Variants in FGFR2 observed in about 807,000 individuals in gnomAD.
FGFR2 encodes BEK fibroblast growth factor receptor.
A neutral mutation model predicts 95.9 loss-of-function variants in FGFR2; 19 were observed. The ratio of observed to expected loss-of-function variants is 0.20; its 90% CI spans 0.14 to 0.29. FGFR2 has a LOEUF of 0.29. Among genes scored for constraint, FGFR2 ranks in the 10% least tolerant of loss-of-function variants. The probability of loss-of-function intolerance (pLI) is 1.00; values close to 1 mark genes in which losing one functional copy is unlikely to be tolerated. For synonymous variants in FGFR2, 392 were observed against 393.3 expected (o/e 1.00, Z 0.04); for missense variants, 707 against 1,056.9 (o/e 0.67, Z 4.59).
chr10:121,490,174 T>C (rs1197732275), intron 13 of FGFR2, among the ~76,000 whole-genome samples: 2 of 141,734 alleles, frequency 1.4e-5, no homozygotes, highest in African/African-American at 5.1e-5. Context: ...TTTTTTTTTT[T>C]TTTTTTGAGA....
At chr10:121,590,752 T>TA (rs1862511439) in intron 2 of FGFR2, among the ~76,000 whole-genome samples, 1 of 152,184 alleles carries the variant, frequency 6.6e-6, no homozygotes, top group Admixed American at 6.5e-5. Flanking sequence ...AAGGACCCTC[T>TA]AGTGTTAGGG....
rs41302273 is a variant in FGFR2, at chr10:121,575,415, G to T, written c.110-9711C>A. 3.2e-3 allele frequency among the ~76,000 whole-genome samples: 485 copies of T among 152,198 alleles called. 2 individuals are homozygous for T. The highest frequency in any genetic ancestry group is 0.011 in the African/African-American group (471 of 41,514). On this transcript the variant is annotated intron_variant, in intron 2 of 17. Coordinates refer to ENST00000358487, the MANE Select transcript of FGFR2 (RefSeq NM_000141.5). The stretch of plus-strand genomic sequence containing the variant: ...TCCAAAAAAAGATGCACAGAGGGAA[G>T]GTTTTCTCTCTGGTCCCAACACGTG...
intron 4 of FGFR2, among the ~76,000 whole-genome samples, chr10:121,559,970 C>T (rs150643311): frequency 2.0e-4 from 30 of 152,288 alleles, no homozygotes; most frequent in Non-Finnish European, 3.4e-4. Flanking sequence ...ACCAGGACAA[C>T]GCAGTTCCCC....
At chr10:121,540,765 T>C (rs180930335) in intron 5 of FGFR2, among the ~76,000 whole-genome samples, 194 of 152,318 alleles carry the variant, frequency 1.3e-3, no homozygotes, top group African/African-American at 4.4e-3. Context: ...ATTCAGTTCT[T>C]TGAGCCCCCG....
rs572461953 is a variant in FGFR2, at chr10:121,551,114, G to A, written c.624+176C>T. Among the ~76,000 whole-genome samples the A allele has an allele frequency of 2.0e-5, 3 of 152,160 alleles. No homozygotes were observed. The East Asian group carries it at 5.8e-4, about 29-fold the overall frequency. The stretch of plus-strand genomic sequence containing the variant: ...ACACACCTGTAGTCCCAGCTACTCG[G>A]GAGGCTGAGGCAGGAGAATCGCTTG... On this transcript the variant is annotated intron_variant, in intron 5 of 17. Coordinates refer to ENST00000358487, the MANE Select transcript of FGFR2 (RefSeq NM_000141.5).
rs748273737 is a variant in FGFR2 at position 121,582,929 on chromosome 10, G to C, written c.109+10780C>G. On this transcript the variant is annotated intron_variant, in intron 2 of 17. Transcript: ENST00000358487. ...AAGTTCAGCTGCCTAAACCAGCCTC[G>C]ATTCACCTACACATTAGCTGGTACT... is the stretch of plus-strand genomic sequence containing the variant. 3.9e-5 allele frequency among the ~76,000 whole-genome samples: 6 copies of C among 152,232 alleles called. No individual in the cohort carries two copies. In the East Asian group the frequency reaches 1.2e-3, roughly 29 times the overall value.
At chr10:121,539,233 T>C (rs1853323289) in intron 5 of FGFR2, among the ~76,000 whole-genome samples, 1 of 152,240 alleles carries the variant, frequency 6.6e-6, no homozygotes, top group African/African-American at 2.4e-5. Context: ...TTCTCAGATG[T>C]TGTCTGGATG....
rs145724942 is a variant in FGFR2, at chr10:121,522,620, T to C, written c.749-2451A>G. The stretch of plus-strand genomic sequence containing the variant: ...GCTTAGCATTCTTGCAACAATAAAA[T>C]GAAATAAAATAAAAAGAATTAAATA... On this transcript the variant is annotated intron_variant, in intron 6 of 17. Transcript: ENST00000358487. Among the ~76,000 whole-genome samples, 595 of 152,160 alleles carry C rather than the reference T, an allele frequency of 3.9e-3. 6 individuals carry two copies. The highest frequency in any genetic ancestry group is 0.013 in the African/African-American group (543 of 41,502).
intron 2 of FGFR2, among the ~76,000 whole-genome samples, chr10:121,575,620 C>T (rs1293192246): frequency 2.6e-5 from 4 of 151,964 alleles, no homozygotes; most frequent in African/African-American, 9.7e-5. Context: ...TTTGGCAGGC[C>T]GAGGCGGGTG....
In FGFR2 at chr10:121,485,575, G is replaced by A. The variant is rs745470487; in HGVS notation, c.2058-43C>T. Reference sequence around the variant, plus strand: ...AGCACGGCATTACTAACCCATCCACGTTGCCAAAACCTAAACACGCCCAGC... The same window carrying A: ...AGCACGGCATTACTAACCCATCCACATTGCCAAAACCTAAACACGCCCAGC... On this transcript the variant is annotated intron_variant, in intron 15 of 17. Coordinates refer to ENST00000358487, the MANE Select transcript of FGFR2 (RefSeq NM_000141.5). This position sits in a 1 kb window ranked among gnomAD's most constrained non-coding sequence, Gnocchi z 4.2. The A allele has an allele frequency of 9.3e-6, 15 of 1,613,592 alleles. No homozygotes were observed. Among genetic ancestry groups the A allele is most frequent in the South Asian group, 8.8e-5 (8 of 91,036 alleles).
intron 2 of FGFR2, among the ~76,000 whole-genome samples, chr10:121,588,561 A>C (rs1161040859): frequency 6.6e-6 from 1 of 152,138 alleles, no homozygotes; most frequent in African/African-American, 2.4e-5. Context: ...GCCATCTCTA[A>C]ATCTCATGGG....
rs2133789870 is a variant in FGFR2, at chr10:121,485,297, A to T, written c.2195+98T>A. ...CAGCCATTCTTCTTAGAGCATGTTT[A>T]GGAAACCAGGGGCCTTCAAAAACGA... On this transcript the variant is annotated intron_variant, in intron 16 of 17. Coordinates refer to ENST00000358487, the MANE Select transcript of FGFR2 (RefSeq NM_000141.5). The surrounding 1 kb of genome is among the most constrained non-coding windows in gnomAD (Gnocchi z 4.2). The T allele has an allele frequency of 6.5e-7, 1 of 1,537,438 alleles. No homozygotes were observed. The highest frequency in any genetic ancestry group is 9.0e-7 in the Non-Finnish European group (1 of 1,113,014).
chr10:121,595,111 G>C (rs976729784), intron 1 of FGFR2, among the ~76,000 whole-genome samples: 1 of 152,178 alleles, frequency 6.6e-6, no homozygotes, highest in African/African-American at 2.4e-5. Context: ...TTCAGATTCT[G>C]TGAACCACAG....
rs772633227 is a variant in FGFR2 at position 121,487,444 on chromosome 10, T to C, written c.1987-20A>G. 5.2e-5 allele frequency: 83 copies of C among 1,605,558 alleles called. No homozygotes were observed. In the South Asian group the frequency reaches 8.7e-4, roughly 17 times the overall value. On this transcript the variant is annotated intron_variant, in intron 14 of 17. Transcript: ENST00000358487. Reference sequence around the variant, plus strand: ...CCGCCCCTGCAAATGTAGAGGAAAATGCAAAAACTAAATATATTTAAAAGA... The same window carrying C: ...CCGCCCCTGCAAATGTAGAGGAAAACGCAAAAACTAAATATATTTAAAAGA...
chr10:121,539,918 G>T (rs1212398310), intron 5 of FGFR2, among the ~76,000 whole-genome samples: 1 of 152,216 alleles, frequency 6.6e-6, no homozygotes, highest in Non-Finnish European at 1.5e-5. Context: ...GCAAAGCAGC[G>T]CCAGTGATTA....
Position 121,518,889 on chromosome 10 carries a change from T to C in FGFR2, c.939+1090A>G, listed in dbSNP as rs1192838475. The C allele has an allele frequency of 6.2e-7, 1 of 1,601,428 alleles. No homozygotes were observed. The highest frequency in any genetic ancestry group is 1.7e-5 in the Admixed American group (1 of 59,976). ...ACCAGGAAGGTCTTAGCATTGTCTA[T>C]GGTCCCACCACCAACACACCGCAAG... On this transcript the variant is annotated intron_variant, in intron 7 of 17. Transcript: ENST00000358487. This position sits in a 1 kb window ranked among gnomAD's most constrained non-coding sequence, Gnocchi z 4.0.
At chr10:121,566,379 A>G (rs1276186358) in intron 2 of FGFR2, among the ~76,000 whole-genome samples, 1 of 152,186 alleles carries the variant, frequency 6.6e-6, no homozygotes, top group Non-Finnish European at 1.5e-5. Context: ...AAACAAAAAG[A>G]GCAAAATGCC....
chr10:121,573,044 C>G (rs1280219536), intron 2 of FGFR2, among the ~76,000 whole-genome samples: 1 of 152,228 alleles, frequency 6.6e-6, no homozygotes, highest in African/African-American at 2.4e-5. Flanking sequence ...ACAGTTGAAA[C>G]AGCAAAAGGG....
intron 15 of FGFR2, 108 bp downstream of exon 15, chr10:121,487,224 AGGCCAGCTCCTGCACCTTCTAC>A (rs754639898): frequency 5.8e-6 from 1 of 173,068 alleles, no homozygotes; most frequent in South Asian, 9.4e-5. Flanking sequence ...GTCCTTTCTA[AGGCCAGCTCCTGCACCTTCTAC>A]GAATGTGTGA....
Sources: allele counts gnomAD v4.1 joint callset (sites outside exome capture counted in the v4.1 genomes callset), GRCh38; gene constraint gnomAD v4.1.1; non-coding constraint Gnocchi (gnomAD v3.1); transcripts MANE v1.5; gene names NCBI Gene and HGNC (gene_info 2026-07-23, HGNC 2026-07-21).